The following ERAP1 variants were observed in gnomAD, a reference collection of about 807,000 sequenced individuals.
The protein encoded by ERAP1 is endoplasmic reticulum aminopeptidase 1.
Under a neutral mutation model 103.7 loss-of-function variants are expected in ERAP1, and 86 were observed. That is an observed-to-expected ratio of 0.83 (90% CI 0.70 to 0.99). The LOEUF is 0.99. Ranked by LOEUF, ERAP1 falls within the 50% of genes least tolerant of loss-of-function variation. ERAP1 has a pLI of 0.00. For synonymous variants in ERAP1, 398 were observed against 402.4 expected, an observed-to-expected ratio of 0.99 and a Z score of 0.13; for missense variants, 1,009 against 1,128.4, an observed-to-expected ratio of 0.89 and a Z score of 1.52.
chr5:96,933,950 G>T, the ERAP1 span, among the ~76,000 whole-genome samples: 1 of 152,184 alleles, frequency 6.6e-6, no homozygotes, highest in African/African-American at 2.4e-5. Flanking sequence ...TCACACATTA[G>T]GGAGATAGCA....
rs200613365 is a variant in ERAP1, at chr5:96,796,822, A to C, written c.798+353T>G. On this transcript the variant is annotated intron_variant, in intron 4 of 18. Coordinates refer to ENST00000443439, the MANE Select transcript of ERAP1 (RefSeq NM_001040458.3). Reference sequence around the variant, plus strand: ...TGTCTTTGTTTGTTTGTTTAGAGACATGGTTTTGCTCTGTTGCCCAGGCTG... The same window carrying C: ...TGTCTTTGTTTGTTTGTTTAGAGACCTGGTTTTGCTCTGTTGCCCAGGCTG... 1.1e-4 allele frequency among the ~76,000 whole-genome samples: 16 copies of C among 152,276 alleles called. No individual in the cohort carries two copies. In the East Asian group the frequency reaches 3.1e-3, roughly 29 times the overall value.
the ERAP1 span, among the ~76,000 whole-genome samples, chr5:96,826,359 C>T: frequency 6.6e-6 from 1 of 152,246 alleles, no homozygotes; most frequent in East Asian, 1.9e-4. Context: ...AGTATTTGGG[C>T]AGAGAGAATT....
chr5:96,880,152 T>G, the ERAP1 span: 6 of 1,614,068 alleles, frequency 3.7e-6, no homozygotes, highest in Non-Finnish European at 3.4e-6. Flanking sequence ...CCAGAGAAAC[T>G]TACGCCTCAC....
the ERAP1 span, among the ~76,000 whole-genome samples, chr5:96,840,086 T>C: frequency 2.0e-5 from 3 of 152,258 alleles, no homozygotes; most frequent in Non-Finnish European, 4.4e-5. Flanking sequence ...CTTTTTCCAA[T>C]AAACAATTAT....
At chr5:96,843,267 C>T in the ERAP1 span, among the ~76,000 whole-genome samples, 47 of 152,054 alleles carry the variant, frequency 3.1e-4, no homozygotes, top group African/African-American at 1.1e-3. Flanking sequence ...TTGTGTACAC[C>T]CTAAGTAAAT....
chr5:96,826,371 CTGAAAGCTTCAAATAAATAGATAATTA>C, the ERAP1 span, among the ~76,000 whole-genome samples: 1 of 152,170 alleles, frequency 6.6e-6, no homozygotes, highest in Non-Finnish European at 1.5e-5. Context: ...GAGAGAATTT[CTGAAAGCTTCAAATAAATAGATAATTA>C]CACTTGTCTA....
the ERAP1 span, among the ~76,000 whole-genome samples, chr5:96,860,884 C>A: frequency 2.1e-4 from 32 of 152,152 alleles, no homozygotes; most frequent in Admixed American, 3.3e-4. Flanking sequence ...CTCTGCCAAT[C>A]CAATGCAGTA....
chr5:96,905,508 A>G, the ERAP1 span, among the ~76,000 whole-genome samples: 6 of 152,340 alleles, frequency 3.9e-5, no homozygotes, highest in East Asian at 1.2e-3. Flanking sequence ...CTCATAATAG[A>G]TAAAAATAAA....
the ERAP1 span, chr5:96,917,561 A>G: frequency 1.2e-6 from 2 of 1,614,006 alleles, no homozygotes; most frequent in Admixed American, 3.3e-5. Context: ...ATGGCTGGAG[A>G]AGAATCTTCC....
the ERAP1 span, among the ~76,000 whole-genome samples, chr5:96,923,672 C>T: frequency 4.1e-5 from 6 of 144,760 alleles, no homozygotes; most frequent in East Asian, 6.0e-4. Flanking sequence ...CCAGCCTGGG[C>T]GACACAGTGA....
chr5:96,827,835 T>C, the ERAP1 span, among the ~76,000 whole-genome samples: 3 of 152,156 alleles, frequency 2.0e-5, no homozygotes, highest in African/African-American at 7.2e-5. Context: ...AATGCTAATC[T>C]AAAAAACAGA....
chr5:96,800,289 T>C (rs1777838237), intron 3 of ERAP1, among the ~76,000 whole-genome samples: 1 of 152,222 alleles, frequency 6.6e-6, no homozygotes, highest in African/African-American at 2.4e-5. Context: ...ACATCCGCAT[T>C]GAGATTGGGG....
chr5:96,867,003 T>G, the ERAP1 span, among the ~76,000 whole-genome samples: 1 of 128,242 alleles, frequency 7.8e-6, no homozygotes, highest in Non-Finnish European at 1.6e-5. Flanking sequence ...CTGCTTTACC[T>G]TTCTGATATT....
intron 15 of ERAP1, among the ~76,000 whole-genome samples, chr5:96,782,074 G>C (rs1365253377): frequency 4.0e-5 from 6 of 148,664 alleles, no homozygotes; most frequent in Non-Finnish European, 8.9e-5. Flanking sequence ...GCCGTGGCTC[G>C]ATATCGGTTC....
chr5:96,879,928 T>A, the ERAP1 span: 1 of 1,614,200 alleles, frequency 6.2e-7, no homozygotes, highest in East Asian at 2.2e-5. Flanking sequence ...ATGACCTCTT[T>A]GTCCACCCCA....
At chr5:96,766,661 C>G (rs1459159699) in intron 19 of ERAP1, among the ~76,000 whole-genome samples, 1 of 152,200 alleles carries the variant, frequency 6.6e-6, no homozygotes, top group Non-Finnish European at 1.5e-5. Context: ...CAAAAAGTCC[C>G]TGGCCTTTTG....
the ERAP1 span, among the ~76,000 whole-genome samples, chr5:96,898,433 T>C: frequency 1.3e-5 from 2 of 151,928 alleles, no homozygotes; most frequent in Admixed American, 6.6e-5. Context: ...TTCAAATACA[T>C]AGTTTTTACT....
chr5:96,766,931 TG>T (rs1313043937), intron 19 of ERAP1, among the ~76,000 whole-genome samples: 1 of 152,208 alleles, frequency 6.6e-6, no homozygotes, highest in African/African-American at 2.4e-5. Flanking sequence ...TCTCCTTGCT[TG>T]CATTCAGTAT....
the ERAP1 span, chr5:96,880,802 A>G: frequency 6.2e-6 from 1 of 162,556 alleles, no homozygotes; most frequent in Non-Finnish European, 1.4e-5. Context: ...CTGAATGTAT[A>G]ATGGTGGGAT....
Sources: allele counts gnomAD v4.1 joint callset (sites outside exome capture counted in the v4.1 genomes callset), GRCh38; gene constraint gnomAD v4.1.1; transcripts MANE v1.5; gene names NCBI Gene and HGNC (gene_info 2026-07-23, HGNC 2026-07-21).